The following STPG2 variants were observed in gnomAD, a reference collection of about 807,000 sequenced individuals.
STPG2 encodes the protein sperm-tail PG-rich repeat-containing protein 2.
In STPG2, 56 loss-of-function variants were observed where a neutral mutation model predicts 54.2. That is an observed-to-expected ratio of 1.03 (90% CI 0.83 to 1.29). The LOEUF is 1.29. Among genes scored for constraint, STPG2 ranks in the 50% most tolerant of loss-of-function variants. The probability of loss-of-function intolerance (pLI) is 0.00; values close to 1 mark genes in which losing one functional copy is unlikely to be tolerated. For missense variants in STPG2, 596 were observed against 544.9 expected (o/e 1.09, Z -0.93); for synonymous variants, 200 against 181.8 (o/e 1.10, Z -0.81).
At chr4:97,842,527 A>G (rs1728832923) in intron 8 of STPG2, among the ~76,000 whole-genome samples, 1 of 151,928 alleles carries the variant, frequency 6.6e-6, no homozygotes, top group South Asian at 2.1e-4. Flanking sequence ...TTTTCTTATC[A>G]GAAGACATTA....
chr4:97,490,408 C>T (rs2148826755), intron 4 of STPG2, among the ~76,000 whole-genome samples: 1 of 151,584 alleles, frequency 6.6e-6, no homozygotes, highest in Admixed American at 6.6e-5. Flanking sequence ...TTCCTAATTT[C>T]CATGCCATTA....
chr4:98,011,913 G>T (rs1009357972), intron 5 of STPG2, among the ~76,000 whole-genome samples: 8 of 152,152 alleles, frequency 5.3e-5, no homozygotes, highest in South Asian at 2.1e-4. Flanking sequence ...TAGGTCGCCT[G>T]TTCACTCTGA....
At chr4:97,890,547 T>TA (rs1444630314) in intron 8 of STPG2, among the ~76,000 whole-genome samples, 1 of 151,826 alleles carries the variant, frequency 6.6e-6, no homozygotes, top group Non-Finnish European at 1.5e-5. Flanking sequence ...ACAAAGTTAA[T>TA]AAAACTGAAG....
intron 5 of STPG2, among the ~76,000 whole-genome samples, chr4:98,040,739 C>T (rs1303907096): frequency 1.3e-5 from 2 of 151,512 alleles, no homozygotes; most frequent in Non-Finnish European, 3.0e-5. Flanking sequence ...GACTATAATT[C>T]GAAGTCAGAC....
intron 4 of STPG2, among the ~76,000 whole-genome samples, chr4:97,552,615 T>A (rs1020407220): frequency 6.6e-6 from 1 of 152,144 alleles, no homozygotes; most frequent in African/African-American, 2.4e-5. Flanking sequence ...TGAATATATA[T>A]GCTAGAGGAC....
At chr4:97,824,030 G>T (rs2149106875) in intron 9 of STPG2, among the ~76,000 whole-genome samples, 1 of 152,236 alleles carries the variant, frequency 6.6e-6, no homozygotes, top group East Asian at 1.9e-4. Flanking sequence ...ATTCTCTTTG[G>T]ATTAATCTGT....
rs150955800 is a variant in STPG2 at position 97,823,834 on chromosome 4, T to A, written c.1204+16939A>T. ...GAGGCCCAACCTAGGAAATTTAGAGTCTCTCCTAAGACAGAGAGAGTTAAA... is the reference window on the plus strand; with the variant it reads ...GAGGCCCAACCTAGGAAATTTAGAGACTCTCCTAAGACAGAGAGAGTTAAA... On this transcript the variant is annotated intron_variant, in intron 9 of 10. Coordinates refer to ENST00000295268, the MANE Select transcript of STPG2 (RefSeq NM_174952.3). Among the ~76,000 whole-genome samples the A allele has an allele frequency of 6.7e-3, 1,016 of 151,736 alleles. 25 individuals are homozygous for A. The highest frequency in any genetic ancestry group is 0.054 in the Middle Eastern group (16 of 294).
rs777044804 is a variant in STPG2 at position 97,574,209 on chromosome 4, C to T, written c.1321-15092G>A. On this transcript the variant is annotated intron_variant, in intron 10 of 10. Transcript: ENST00000295268. ...TATGTGTTTAAATAAACTCGTGAAACCCTCTGTTAAAAAAAAGTCACTTCT... is the reference window on the plus strand; with the variant it reads ...TATGTGTTTAAATAAACTCGTGAAATCCTCTGTTAAAAAAAAGTCACTTCT... 1.1e-4 allele frequency among the ~76,000 whole-genome samples: 16 copies of T among 151,828 alleles called. 1 individual carries two copies. The highest frequency in any genetic ancestry group is 2.1e-4 in the Non-Finnish European group (14 of 67,920).
chr4:97,794,569 T>C (rs1176237374), intron 9 of STPG2, among the ~76,000 whole-genome samples: 1 of 152,174 alleles, frequency 6.6e-6, no homozygotes, highest in African/African-American at 2.4e-5. Context: ...ACAAATTGGA[T>C]AATATGAGCC....
At chr4:97,580,882 G>T (rs1423612107) in intron 10 of STPG2, among the ~76,000 whole-genome samples, 1 of 151,846 alleles carries the variant, frequency 6.6e-6, no homozygotes, top group Non-Finnish European at 1.5e-5. Context: ...AAACATCAAG[G>T]CTCATTTTAA....
intron 5 of STPG2, among the ~76,000 whole-genome samples, chr4:98,084,815 G>A (rs375803023): frequency 3.3e-5 from 5 of 151,910 alleles, no homozygotes; most frequent in Admixed American, 6.6e-5. Context: ...CTTAGTCTTC[G>A]TATTGAGTTA....
chr4:97,762,334 G>A (rs1725913062), intron 9 of STPG2, among the ~76,000 whole-genome samples: 2 of 152,086 alleles, frequency 1.3e-5, no homozygotes, highest in African/African-American at 4.8e-5. Context: ...GGCACACTCT[G>A]TGCTGTTCCC....
At chr4:98,003,928 T>C (rs1328094209) in intron 5 of STPG2, among the ~76,000 whole-genome samples, 1 of 152,152 alleles carries the variant, frequency 6.6e-6, no homozygotes, top group East Asian at 1.9e-4. Flanking sequence ...TGTTTTGATG[T>C]ATGAAAACAT....
intron 5 of STPG2, among the ~76,000 whole-genome samples, chr4:98,001,977 G>A (rs879754202): frequency 2.6e-5 from 4 of 151,954 alleles, no homozygotes; most frequent in South Asian, 2.1e-4. Flanking sequence ...ATTCTTCTAC[G>A]TGGATGACAT....
chr4:97,874,585 C>T (rs1730107589), intron 8 of STPG2, among the ~76,000 whole-genome samples: 1 of 151,688 alleles, frequency 6.6e-6, no homozygotes, highest in African/African-American at 2.4e-5. Context: ...TTTGCATTTT[C>T]TAGAGTTTTA....
At chr4:97,528,239 C>A (rs1731327737) in intron 4 of STPG2, among the ~76,000 whole-genome samples, 2 of 152,128 alleles carry the variant, frequency 1.3e-5, no homozygotes, top group South Asian at 4.1e-4. Context: ...TTTCCCAACA[C>A]CATTTATTAA....
chr4:97,806,425 T>C (rs1030009658), intron 9 of STPG2, among the ~76,000 whole-genome samples: 2 of 152,118 alleles, frequency 1.3e-5, no homozygotes, highest in African/African-American at 4.8e-5. Flanking sequence ...GCTCACTACC[T>C]GGGTGACAGG....
At chr4:97,701,415 C>A (rs536041657) in intron 10 of STPG2, among the ~76,000 whole-genome samples, 1 of 152,260 alleles carries the variant, frequency 6.6e-6, no homozygotes, top group South Asian at 2.1e-4. Flanking sequence ...CAGCTCAGAG[C>A]CAGTGTTCAG....
At chr4:97,820,988 G>T (rs1728072069) in intron 9 of STPG2, among the ~76,000 whole-genome samples, 2 of 152,076 alleles carry the variant, frequency 1.3e-5, no homozygotes, top group African/African-American at 4.8e-5. Context: ...TTCTCACATT[G>T]CAAATTACAA....
Sources: allele counts gnomAD v4.1 joint callset (sites outside exome capture counted in the v4.1 genomes callset), GRCh38; gene constraint gnomAD v4.1.1; transcripts MANE v1.5; gene names NCBI Gene and HGNC (gene_info 2026-07-23, HGNC 2026-07-21).